APBA1: variants seen among roughly 807,000 people sequenced by gnomAD.
The protein encoded by APBA1 is amyloid-beta A4 precursor protein-binding family A member 1.
A neutral mutation model predicts 86.6 loss-of-function variants in APBA1; 55 were observed. That is an observed-to-expected ratio of 0.64 (90% CI 0.51 to 0.80). The LOEUF is 0.80. Among genes scored for constraint, APBA1 ranks in the 30% least tolerant of loss-of-function variants. APBA1 has a pLI of 0.00. For synonymous variants in APBA1, 511 were observed against 493.9 expected, an observed-to-expected ratio of 1.03 and a Z score of -0.46; for missense variants, 1,090 against 1,183.0, an observed-to-expected ratio of 0.92 and a Z score of 1.15.
intron 11 of APBA1, among the ~76,000 whole-genome samples, chr9:69,439,889 C>T (rs572466361): frequency 3.9e-4 from 60 of 152,316 alleles, no homozygotes; most frequent in African/African-American, 1.4e-3. Flanking sequence ...TTTTTCTGCT[C>T]TGTTTTTTCC....
intron 1 of APBA1, among the ~76,000 whole-genome samples, chr9:69,564,931 T>C (rs11139361): frequency 0.62 from 93,497 of 151,978 alleles, 29,419 homozygotes; most frequent in East Asian, 0.83. Flanking sequence ...TGGGAAAAGC[T>C]CATTTTGAAT....
At chr9:69,506,461 C>T (rs1835968495) in intron 2 of APBA1, among the ~76,000 whole-genome samples, 1 of 98,706 alleles carries the variant, frequency 1.0e-5, no homozygotes, top group Non-Finnish European at 2.1e-5. Flanking sequence ...AGTCTGAGAT[C>T]AAACTGCAAG....
At chr9:69,440,665 T>C (rs1834802994) in intron 11 of APBA1, among the ~76,000 whole-genome samples, 1 of 152,160 alleles carries the variant, frequency 6.6e-6, no homozygotes. Context: ...GACCCGATTT[T>C]CCAGGTGCTG....
chr9:69,470,266 T>TA (rs944465563), intron 4 of APBA1, among the ~76,000 whole-genome samples: 26 of 152,184 alleles, frequency 1.7e-4, no homozygotes, highest in East Asian at 5.8e-4. Context: ...CTTACAAAGT[T>TA]AAAAAAAATT....
intron 1 of APBA1, among the ~76,000 whole-genome samples, chr9:69,546,246 C>T (rs1836695778): frequency 6.6e-6 from 1 of 152,226 alleles, no homozygotes; most frequent in African/African-American, 2.4e-5. Context: ...AATCTGAAAT[C>T]CTTCTGATCA....
chr9:69,524,218 A>G (rs1033360725), intron 1 of APBA1, among the ~76,000 whole-genome samples: 1 of 152,174 alleles, frequency 6.6e-6, no homozygotes, highest in East Asian at 1.9e-4. Flanking sequence ...AGCAGAAAAG[A>G]AGAAATAACT....
At chr9:69,642,413 A>C (rs998321908) in intron 1 of APBA1, among the ~76,000 whole-genome samples, 15 of 152,174 alleles carry the variant, frequency 9.9e-5, no homozygotes, top group Non-Finnish European at 1.9e-4. Flanking sequence ...TATCTCTACC[A>C]CTTAACTAGA....
intron 1 of APBA1, among the ~76,000 whole-genome samples, chr9:69,532,425 C>T (rs546221004): frequency 3.9e-4 from 59 of 152,308 alleles, no homozygotes; most frequent in Non-Finnish European, 7.2e-4. Context: ...GTGGCAGGAA[C>T]CTGACTGGCA....
chr9:69,576,596 T>C (rs1360091285), intron 1 of APBA1, among the ~76,000 whole-genome samples: 4 of 152,052 alleles, frequency 2.6e-5, no homozygotes, highest in African/African-American at 9.7e-5. Flanking sequence ...CTCAGCAAAC[T>C]ATCGCAAGGA....
intron 9 of APBA1, 59 bp downstream of exon 9, chr9:69,452,063 C>A: frequency 6.5e-7 from 1 of 1,545,000 alleles, no homozygotes; most frequent in Non-Finnish European, 8.9e-7. Flanking sequence ...GGGTGCCCCA[C>A]TTTCCAAGCC....
chr9:69,584,563 T>C (rs1227294505), intron 1 of APBA1, among the ~76,000 whole-genome samples: 1 of 152,128 alleles, frequency 6.6e-6, no homozygotes, highest in African/African-American at 2.4e-5. Flanking sequence ...ACAGGCAAAA[T>C]GGGAAGAAGA....
chr9:69,481,572 T>G (rs552745201), intron 2 of APBA1, among the ~76,000 whole-genome samples: 5,983 of 144,812 alleles, frequency 0.041, 47 homozygotes, highest in African/African-American at 0.14. Flanking sequence ...TTCAATGCCA[T>G]CCCCATCAAG....
chr9:69,537,795 T>A (rs1018482357), intron 1 of APBA1, among the ~76,000 whole-genome samples: 4 of 152,136 alleles, frequency 2.6e-5, no homozygotes, highest in African/African-American at 4.8e-5. Flanking sequence ...GTTTTTTTTT[T>A]AAACACTTGC....
Position 69,441,079 on chromosome 9 carries a change from C to T in APBA1, c.2218G>A (p.Val740Met), listed in dbSNP as rs545316442. 6.2e-6 allele frequency: 10 copies of T among 1,614,064 alleles called. No individual in the cohort carries two copies. Among genetic ancestry groups the T allele is most frequent in the East Asian group, 2.2e-5 (1 of 44,884 alleles). ...ACGGTGGTCACCGGAGGACATCTCA[C>T]GATATTCAGCTTGACTCGGGACTGA... ...KNQSRVKLNIVRCPPVTTVLI... is the reference protein window; with the variant it reads ...KNQSRVKLNIMRCPPVTTVLI... The change falls in exon 11 of 13, where the codon GTG becomes ATG. Residue 740 changes from valine (V) to methionine (M), a missense_variant. Around this residue, in one of 6 missense-constraint regions of APBA1, gnomAD observed 119 missense variants for 124.8 expected, o/e 0.95. Coordinates refer to ENST00000265381, the MANE Select transcript of APBA1 (RefSeq NM_001163.4).
chr9:69,533,189 T>C (rs1339673372), intron 1 of APBA1, among the ~76,000 whole-genome samples: 1 of 152,176 alleles, frequency 6.6e-6, no homozygotes, highest in East Asian at 1.9e-4. Flanking sequence ...GGGGACAGGA[T>C]ATATATGTAT....
At chr9:69,483,122 A>T (rs1338184231) in intron 2 of APBA1, among the ~76,000 whole-genome samples, 1 of 111,914 alleles carries the variant, frequency 8.9e-6, no homozygotes, top group Non-Finnish European at 1.9e-5. Context: ...AGTATAATAA[A>T]AAAAAAATTA....
intron 1 of APBA1, among the ~76,000 whole-genome samples, chr9:69,578,121 A>G (rs1267009481): frequency 6.6e-6 from 1 of 152,240 alleles, no homozygotes; most frequent in Non-Finnish European, 1.5e-5. Flanking sequence ...GAGAAGTTAA[A>G]TCAACCAAGC....
intron 3 of APBA1, 49 bp downstream of exon 3, chr9:69,475,999 G>C (rs1588306978): frequency 2.0e-6 from 3 of 1,480,002 alleles, no homozygotes; most frequent in Non-Finnish European, 2.8e-6. Flanking sequence ...AACAGTATTA[G>C]AGTAAAGCAA....
chr9:69,642,843 C>A (rs999016773), intron 1 of APBA1, among the ~76,000 whole-genome samples: 1 of 151,950 alleles, frequency 6.6e-6, no homozygotes, highest in Non-Finnish European at 1.5e-5. Context: ...ATTCTCCCAG[C>A]AGACTGCCTT....
Sources: gnomAD v4.1 joint callset for allele counts (sites outside exome capture counted in the v4.1 genomes callset) on GRCh38, gnomAD v4.1.1 for gene constraint, gnomAD v4.1.1 regional missense constraint, MANE v1.5 for transcripts, NCBI Gene and HGNC (gene_info 2026-07-23, HGNC 2026-07-21) for gene names.